Variants in SYNJ1 observed in about 807,000 individuals in gnomAD.
SYNJ1 encodes synaptojanin 1.
A neutral mutation model predicts 168.2 loss-of-function variants in SYNJ1; 78 were observed. The ratio of observed to expected loss-of-function variants is 0.46; its 90% confidence interval spans 0.39 to 0.56. The LOEUF is 0.56. Ranked by LOEUF, SYNJ1 falls within the 20% of genes least tolerant of loss-of-function variation. The probability of loss-of-function intolerance (pLI) is 0.00; values close to 1 mark genes in which losing one functional copy is unlikely to be tolerated. For missense variants in SYNJ1, 1,303 were observed against 1,597.6 expected (o/e 0.82, Z 3.14); for synonymous variants, 539 against 548.6 (o/e 0.98, Z 0.24).
At chr21:32,711,634 C>T (rs1437688675) in intron 2 of SYNJ1, among the ~76,000 whole-genome samples, 9 of 152,110 alleles carry the variant, frequency 5.9e-5, no homozygotes, top group Non-Finnish European at 1.3e-4. Context: ...CCAGCAATGA[C>T]TTATAATACT....
upstream of SYNJ1, chr21:32,728,199 C>G: frequency 4.8e-6 from 4 of 838,276 alleles, no homozygotes; most frequent in South Asian, 7.6e-5. Flanking sequence ...CGGCCGCCCC[C>G]AGGCAGAGCT....
At chr21:32,658,482 C>T (rs73194276) in intron 18 of SYNJ1, 2,168 of 152,460 alleles carry the variant, frequency 0.014, 27 homozygotes, top group Non-Finnish European at 0.023. Flanking sequence ...ATCTTCAATT[C>T]GTTCATGTGA....
At chr21:32,665,188 A>C in intron 17 of SYNJ1, 117 bp from the exon 18 acceptor site, 1 of 1,034,950 alleles carries the variant, frequency 9.7e-7, no homozygotes, top group Non-Finnish European at 1.3e-6. Context: ...TCTTTGACCC[A>C]ACAGTAATAA....
chr21:32,672,022 G>A (rs2145969685), intron 14 of SYNJ1, among the ~76,000 whole-genome samples: 1 of 125,902 alleles, frequency 7.9e-6, no homozygotes, highest in African/African-American at 3.1e-5. Context: ...TCCTGCCACT[G>A]CACTCCAGCC....
chr21:32,638,983 C>T lies in SYNJ1; in HGVS notation c.3840G>A (p.Leu1280=), dbSNP rs2039703499. 4.3e-6 allele frequency: 7 copies of T among 1,613,714 alleles called. No homozygotes were observed. Among genetic ancestry groups the T allele is most frequent in the Non-Finnish European group, 5.1e-6 (6 of 1,179,872 alleles). Residue 1280 remains leucine (L), a synonymous_variant, in exon 31 of 33, where the codon TTG becomes TTA. Coordinates refer to ENST00000674351, the MANE Select transcript of SYNJ1 (RefSeq NM_203446.3). The part of the protein sequence containing the change: ...PMPQSGPQPN[L]ETPPQPPPRS... ...GAGGTGGTGGTTGTGGTGGGGTTTC[C>T]AAATTTGGCTGGGGGCCAGACTGAG...
Position 32,700,102 on chromosome 21 carries a change from T to C in SYNJ1, c.215A>G (p.Asp72Gly), listed in dbSNP as rs1247313884. The C allele has an allele frequency of 6.3e-7, 1 of 1,594,922 alleles. No homozygotes were observed. Among genetic ancestry groups the C allele is most frequent in the Non-Finnish European group, 8.6e-7 (1 of 1,168,990 alleles). Reference sequence around the variant, plus strand: ...TAGGACCAGATAATGTAACATAGTATCACCTGCAAAACCCAAAGATTTTAC... The same window carrying C: ...TAGGACCAGATAATGTAACATAGTACCACCTGCAAAACCCAAAGATTTTAC... ...LLGVLRLNLGDTMLHYLVLVT... is the reference protein window; with the variant it reads ...LLGVLRLNLGGTMLHYLVLVT... Residue 72 changes from aspartate (D) to glycine (G), a missense_variant, in exon 4 of 33, where the codon GAT (aspartate) becomes GGT (glycine). Physicochemically the swap from Asp to Gly is moderately conservative, Grantham distance 94 (BLOSUM62 -1). Around this residue, in one of 2 missense-constraint regions of SYNJ1, gnomAD observed 920 missense variants for 1,208.8 expected, o/e 0.76. Coordinates refer to ENST00000674351, the MANE Select transcript of SYNJ1 (RefSeq NM_203446.3).
At chr21:32,698,282 G>C (rs1180978083) in intron 4 of SYNJ1, among the ~76,000 whole-genome samples, 1 of 152,160 alleles carries the variant, frequency 6.6e-6, no homozygotes, top group East Asian at 1.9e-4. Flanking sequence ...TTCCATGTGA[G>C]CTACAACGTG....
intron 29 of SYNJ1, 67 bp from the exon 30 acceptor site, chr21:32,639,846 AT>A: frequency 7.3e-7 from 1 of 1,378,784 alleles, no homozygotes; most frequent in Non-Finnish European, 1.0e-6. Context: ...CTGTGAAAAC[AT>A]TTGCTTTTGC....
At chr21:32,665,158 G>A (rs2040875711) in intron 17 of SYNJ1, 87 bp from the exon 18 acceptor site, 1 of 1,336,142 alleles carries the variant, frequency 7.5e-7, no homozygotes, top group Admixed American at 2.4e-5. Context: ...AGATATGCTT[G>A]TCTCCTCCCA....
At chr21:32,713,853 T>C (rs540672070) in intron 2 of SYNJ1, among the ~76,000 whole-genome samples, 290 of 152,354 alleles carry the variant, frequency 1.9e-3, no homozygotes, top group South Asian at 3.5e-3. Context: ...TCCATTTATG[T>C]TAAGCTGAAA....
intron 9 of SYNJ1, among the ~76,000 whole-genome samples, chr21:32,684,468 ATC>A (rs941707940): frequency 4.7e-4 from 72 of 152,206 alleles, no homozygotes; most frequent in African/African-American, 1.7e-3. Flanking sequence ...TAAACCTAAG[ATC>A]TGTTATCTCT....
chr21:32,678,305 T>A (rs186977408), intron 12 of SYNJ1, among the ~76,000 whole-genome samples: 1 of 152,204 alleles, frequency 6.6e-6, no homozygotes, highest in African/African-American at 2.4e-5. Context: ...TTTTTCTGCA[T>A]AATTAGATTA....
intron 15 of SYNJ1, among the ~76,000 whole-genome samples, chr21:32,666,777 T>C (rs546064603): frequency 2.0e-5 from 3 of 152,198 alleles, no homozygotes; most frequent in Non-Finnish European, 4.4e-5. Flanking sequence ...ATTACTTCTT[T>C]ACAAAGAAAA....
intron 2 of SYNJ1, among the ~76,000 whole-genome samples, chr21:32,712,175 A>G (rs1189827785): frequency 6.6e-6 from 1 of 152,240 alleles, no homozygotes; most frequent in East Asian, 1.9e-4. Context: ...ATAAGACTGC[A>G]TGTTAGAATG....
At chr21:32,701,718 C>T (rs1436983723) in intron 3 of SYNJ1, among the ~76,000 whole-genome samples, 1 of 152,128 alleles carries the variant, frequency 6.6e-6, no homozygotes, top group East Asian at 1.9e-4. Context: ...ATACTTATCT[C>T]TTCAAGTGGT....
chr21:32,685,801 G>A lies in SYNJ1; in HGVS notation c.1065C>T (p.Val355=). The change falls in exon 9 of 33, where the codon GTC becomes GTT. Residue 355 remains valine, a synonymous_variant. Transcript: ENST00000674351. ...EKLHSVLKPQ[V]QKFLDYGFFY... ...AAAATCCATAATCTAGAAACTTCTGGACTTGAGGTTTAAGAACACTATGTA... is the reference window on the plus strand; with the variant it reads ...AAAATCCATAATCTAGAAACTTCTGAACTTGAGGTTTAAGAACACTATGTA... The A allele has an allele frequency of 6.2e-7, 1 of 1,611,986 alleles. No homozygotes were observed. Among genetic ancestry groups the A allele is most frequent in the Non-Finnish European group, 8.5e-7 (1 of 1,179,108 alleles).
chr21:32,717,986 G>C (rs2043084394), intron 2 of SYNJ1, among the ~76,000 whole-genome samples: 1 of 152,184 alleles, frequency 6.6e-6, no homozygotes, highest in Admixed American at 6.6e-5. Flanking sequence ...TCTCTCAGGG[G>C]TCAGCATCTT....
chr21:32,686,860 A>G (rs1302271235), intron 8 of SYNJ1, 118 bp downstream of exon 8: 6 of 694,038 alleles, frequency 8.6e-6, no homozygotes, highest in Non-Finnish European at 1.1e-5. Context: ...CAAGTACCCA[A>G]CCTTTTTCTT....
chr21:32,714,073 A>G (rs1048795629), intron 2 of SYNJ1, among the ~76,000 whole-genome samples: 2 of 152,190 alleles, frequency 1.3e-5, no homozygotes, highest in African/African-American at 4.8e-5. Context: ...TTTAAGATTT[A>G]TATACTTTTC....
Sources: allele counts gnomAD v4.1 joint callset (sites outside exome capture counted in the v4.1 genomes callset), GRCh38; gene constraint gnomAD v4.1.1; regional missense constraint gnomAD v4.1.1; transcripts MANE v1.5; gene names NCBI Gene and HGNC (gene_info 2026-07-23, HGNC 2026-07-21).